Variants in GRXCR1 observed in about 807,000 individuals in gnomAD.
The protein encoded by GRXCR1 is glutaredoxin and cysteine rich domain containing 1.
Under a neutral mutation model 27.3 loss-of-function variants are expected in GRXCR1, and 27 were observed. The observed-to-expected ratio is 0.99, with a 90% CI of 0.73 to 1.37. The LOEUF (loss-of-function observed/expected upper bound fraction) is 1.37. GRXCR1 is among the 40% of genes most tolerant of loss of function. GRXCR1 has a pLI of 0.00. For missense variants in GRXCR1, 379 were observed against 354.4 expected (o/e 1.07, Z -0.56); for synonymous variants, 122 against 131.1 (o/e 0.93, Z 0.47).
At chr4:42,985,282 A>G (rs1711679603) in intron 2 of GRXCR1, among the ~76,000 whole-genome samples, 1 of 152,118 alleles carries the variant, frequency 6.6e-6, no homozygotes, top group South Asian at 2.1e-4. Context: ...AACCATTCTT[A>G]ATTTGATTGA....
At chr4:42,996,486 T>G (rs985158002) in intron 2 of GRXCR1, among the ~76,000 whole-genome samples, 1 of 152,200 alleles carries the variant, frequency 6.6e-6, no homozygotes, top group Non-Finnish European at 1.5e-5. Flanking sequence ...TTTTTCCAAC[T>G]TGTGCTTTTT....
In GRXCR1 at chr4:42,895,729, T is replaced by C. The variant is rs112498555; in HGVS notation, c.384+2079T>C. Among the ~76,000 whole-genome samples, 174 of 152,270 alleles carry C rather than the reference T, an allele frequency of 1.1e-3. 1 individual carries two copies. The highest frequency in any genetic ancestry group is 4.0e-3 in the African/African-American group (167 of 41,578). ...CTTGCCACACTTTTTAAGGTATGTG[T>C]ATGTCATTTGGGGTAATGTACATCT... On this transcript the variant is annotated intron_variant, in intron 1 of 3. Coordinates refer to ENST00000399770, the MANE Select transcript of GRXCR1 (RefSeq NM_001080476.3).
rs960273712 is a variant in GRXCR1, at chr4:43,030,598, T to C, written c.*58T>C. 7.9e-7 allele frequency: 1 copy of C among 1,260,764 alleles called. No homozygotes were observed. The highest frequency in any genetic ancestry group is 1.7e-5 in the Admixed American group (1 of 58,344). The allele number at this position is 1,260,764 out of a possible 1,614,324, so 78.1% of individuals were successfully genotyped here. On this transcript the variant is annotated 3_prime_UTR_variant, in exon 4 of 4. Transcript: ENST00000399770. ...ATTAATCAAAGGCAATACTTTGGTT[T>C]ATATATATATTTTTAAATGGTTATG... is the stretch of plus-strand genomic sequence containing the variant.
At chr4:42,945,344 T>G (rs1747718497) in intron 1 of GRXCR1, among the ~76,000 whole-genome samples, 1 of 152,138 alleles carries the variant, frequency 6.6e-6, no homozygotes, top group Non-Finnish European at 1.5e-5. Flanking sequence ...AAGGAGAAAT[T>G]TATTTATGGA....
chr4:42,973,565 C>T (rs1748436544), intron 2 of GRXCR1, among the ~76,000 whole-genome samples: 1 of 151,952 alleles, frequency 6.6e-6, no homozygotes, highest in African/African-American at 2.4e-5. Flanking sequence ...AATGGCCTCA[C>T]AATTCCCCCA....
intron 2 of GRXCR1, among the ~76,000 whole-genome samples, chr4:42,987,153 A>G (rs1333450538): frequency 6.9e-6 from 1 of 145,358 alleles, no homozygotes; most frequent in Non-Finnish European, 1.5e-5. Context: ...GGAGAGAGAG[A>G]CATACTTTGA....
chr4:43,015,757 A>C (rs1041677655), intron 2 of GRXCR1, among the ~76,000 whole-genome samples: 1 of 151,278 alleles, frequency 6.6e-6, no homozygotes, highest in South Asian at 2.1e-4. Flanking sequence ...ACTAAATATA[A>C]ATTAAAATAA....
At chr4:42,897,215 A>G (rs1213765807) in intron 1 of GRXCR1, among the ~76,000 whole-genome samples, 1 of 152,120 alleles carries the variant, frequency 6.6e-6, no homozygotes, top group Non-Finnish European at 1.5e-5. Context: ...AATATTTCCA[A>G]ATTCTCTTAG....
At chr4:42,941,304 T>C (rs960986359) in intron 1 of GRXCR1, among the ~76,000 whole-genome samples, 1 of 152,046 alleles carries the variant, frequency 6.6e-6, no homozygotes, top group Non-Finnish European at 1.5e-5. Flanking sequence ...GACTAATGCA[T>C]AGTTAAAACC....
intron 1 of GRXCR1, among the ~76,000 whole-genome samples, chr4:42,910,019 T>C (rs968442737): frequency 2.0e-5 from 3 of 152,076 alleles, no homozygotes; most frequent in Non-Finnish European, 4.4e-5. Flanking sequence ...AATTGACTCA[T>C]AGTTCCACAT....
chr4:42,961,862 A>G (rs1748135743), intron 1 of GRXCR1, among the ~76,000 whole-genome samples: 1 of 151,962 alleles, frequency 6.6e-6, no homozygotes, highest in Admixed American at 6.6e-5. Flanking sequence ...TTGCTTTAGT[A>G]TTTAGCTGTC....
intron 2 of GRXCR1, among the ~76,000 whole-genome samples, chr4:42,981,918 A>C (rs1379592811): frequency 6.6e-6 from 1 of 152,038 alleles, no homozygotes; most frequent in Non-Finnish European, 1.5e-5. Context: ...TCTTGTTTGG[A>C]TTATATAATA....
intron 1 of GRXCR1, among the ~76,000 whole-genome samples, chr4:42,944,789 A>G (rs1317428278): frequency 6.6e-6 from 1 of 152,140 alleles, no homozygotes; most frequent in Non-Finnish European, 1.5e-5. Flanking sequence ...TTTATGCCCA[A>G]AGCATGTGAA....
At chr4:43,023,119 A>G (rs948616996) in intron 3 of GRXCR1, among the ~76,000 whole-genome samples, 6 of 152,172 alleles carry the variant, frequency 3.9e-5, no homozygotes, top group Non-Finnish European at 5.9e-5. Flanking sequence ...ATCTGACTAT[A>G]CTGTGGCAGG....
chr4:42,963,177 C>T (rs1748167520), intron 2 of GRXCR1, 43 bp downstream of exon 2: 1 of 1,602,116 alleles, frequency 6.2e-7, no homozygotes, highest in African/African-American at 1.3e-5. Context: ...AGAACCCAAC[C>T]AGGGCTGATA....
At chr4:42,989,736 T>C (rs981952608) in intron 2 of GRXCR1, among the ~76,000 whole-genome samples, 2 of 152,218 alleles carry the variant, frequency 1.3e-5, no homozygotes, top group East Asian at 1.9e-4. Context: ...TCCCCATTCC[T>C]TTCTGATCTC....
intron 2 of GRXCR1, among the ~76,000 whole-genome samples, chr4:43,011,676 T>G (rs1045837549): frequency 1.3e-5 from 2 of 152,158 alleles, no homozygotes; most frequent in African/African-American, 4.8e-5. Context: ...TAAACCGGGT[T>G]ATCATCATGA....
chr4:43,010,081 T>C (rs1322510996), intron 2 of GRXCR1, among the ~76,000 whole-genome samples: 1 of 152,144 alleles, frequency 6.6e-6, no homozygotes, highest in Non-Finnish European at 1.5e-5. Context: ...TTCAACTCCA[T>C]CACATATTTT....
chr4:42,990,214 C>A (rs1471144375), intron 2 of GRXCR1, among the ~76,000 whole-genome samples: 25 of 54,564 alleles, frequency 4.6e-4, no homozygotes, highest in South Asian at 2.3e-3. Flanking sequence ...TTTTTTGAGA[C>A]GGAGTCTCGC....
Sources: allele counts gnomAD v4.1 joint callset (sites outside exome capture counted in the v4.1 genomes callset), GRCh38; gene constraint gnomAD v4.1.1; transcripts MANE v1.5; gene names NCBI Gene and HGNC (gene_info 2026-07-23, HGNC 2026-07-21).